BTRC: variants seen among roughly 807,000 people sequenced by gnomAD.
BTRC encodes beta-transducin repeat containing E3 ubiquitin protein ligase, also known as F-box/WD repeat-containing protein 1A.
Under a neutral mutation model 85.5 loss-of-function variants are expected in BTRC, and 42 were observed. That is an observed-to-expected ratio of 0.49 (90% CI 0.38 to 0.64). The LOEUF is 0.64. BTRC is among the 30% of genes least tolerant of loss of function. BTRC has a pLI of 0.00. For synonymous variants in BTRC, 255 were observed against 263.3 expected (o/e 0.97, Z 0.30); for missense variants, 594 against 743.5 (o/e 0.80, Z 2.34).
At chr10:101,367,210 A>G (rs552655947) in intron 1 of BTRC, among the ~76,000 whole-genome samples, 1 of 147,890 alleles carries the variant, frequency 6.8e-6, no homozygotes, top group South Asian at 2.1e-4. Flanking sequence ...GGCTGGGACT[A>G]CATGCGCGCA....
chr10:101,413,292 C>CGACACTGTGCCCAG (rs1554872855), intron 1 of BTRC, among the ~76,000 whole-genome samples: 1 of 151,312 alleles, frequency 6.6e-6, no homozygotes, highest in African/African-American at 2.4e-5. Context: ...TATAGGTGCC[C>CGACACTGTGCCCAG]ACCACCACGC....
intron 1 of BTRC, among the ~76,000 whole-genome samples, chr10:101,382,895 T>TA (rs759523330): frequency 1.4e-4 from 22 of 152,142 alleles, no homozygotes; most frequent in Non-Finnish European, 2.8e-4. Context: ...TTAGACCAAT[T>TA]AAAGTGTACT....
intron 1 of BTRC, among the ~76,000 whole-genome samples, chr10:101,375,236 G>T (rs1208219980): frequency 6.6e-6 from 1 of 152,120 alleles, no homozygotes; most frequent in Non-Finnish European, 1.5e-5. Context: ...CACAAGTTCT[G>T]GTTGTTTAAA....
intron 4 of BTRC, among the ~76,000 whole-genome samples, chr10:101,487,753 T>G (rs1323195074): frequency 6.6e-6 from 1 of 152,178 alleles, no homozygotes; most frequent in African/African-American, 2.4e-5. Context: ...AACAGTGTTC[T>G]GTGATCAACC....
chr10:101,408,507 A>T (rs1195809291), intron 1 of BTRC, among the ~76,000 whole-genome samples: 1 of 151,880 alleles, frequency 6.6e-6, no homozygotes, highest in Non-Finnish European at 1.5e-5. Flanking sequence ...GAGTTTTGCC[A>T]TGTTGCCCAG....
In BTRC at chr10:101,539,014, A is replaced by C. The variant is rs1405916816; in HGVS notation, c.1656+643A>C. 2.0e-5 allele frequency among the ~76,000 whole-genome samples: 3 copies of C among 150,854 alleles called. No homozygotes were observed. In the East Asian group the frequency reaches 5.9e-4, roughly 29 times the overall value. ...TGCAGTGAACCAAGATCATGCTTGC[A>C]CTCCAGCCTGGGCAACAAGAGCGAA... is the stretch of plus-strand genomic sequence containing the variant. On this transcript the variant is annotated intron_variant, in intron 13 of 14. Coordinates refer to ENST00000370187, the MANE Select transcript of BTRC (RefSeq NM_033637.4).
intron 4 of BTRC, among the ~76,000 whole-genome samples, chr10:101,520,234 C>G (rs550660138): frequency 6.6e-6 from 1 of 152,080 alleles, no homozygotes; most frequent in East Asian, 2.0e-4. Context: ...ACCTCTGCCT[C>G]CTGGGTTCAA....
intron 1 of BTRC, among the ~76,000 whole-genome samples, chr10:101,417,444 A>G (rs1329880440): frequency 6.6e-6 from 1 of 152,240 alleles, no homozygotes; most frequent in Non-Finnish European, 1.5e-5. Flanking sequence ...CGACAGGAAT[A>G]TCACAGAGGT....
chr10:101,453,912 C>G (rs10883657), intron 2 of BTRC, among the ~76,000 whole-genome samples: 44,977 of 152,142 alleles, frequency 0.3, 7,959 homozygotes, highest in Middle Eastern at 0.47. Context: ...GGCCACTTAC[C>G]TCTTCCGTTG....
intron 1 of BTRC, among the ~76,000 whole-genome samples, chr10:101,366,828 A>ATT (rs796108094): frequency 2.5e-5 from 1 of 40,474 alleles, no homozygotes; most frequent in Non-Finnish European, 3.9e-5. Flanking sequence ...ATTAATATAT[A>ATT]TTTATATATA....
chr10:101,550,676 C>A (rs79322713), intron 13 of BTRC, 23 bp from the exon 14 acceptor site: 1 of 1,604,188 alleles, frequency 6.2e-7, no homozygotes, highest in Non-Finnish European at 8.5e-7. Flanking sequence ...AAGTTCCTAC[C>A]CTTTTTGTTT....
chr10:101,508,371 T>G (rs1421070296), intron 4 of BTRC, among the ~76,000 whole-genome samples: 2 of 152,224 alleles, frequency 1.3e-5, no homozygotes, highest in Non-Finnish European at 2.9e-5. Flanking sequence ...AATCTGCCCC[T>G]TCCTGTCTTC....
At chr10:101,376,847 T>C (rs1436223199) in intron 1 of BTRC, among the ~76,000 whole-genome samples, 17 of 152,168 alleles carry the variant, frequency 1.1e-4, no homozygotes, top group Admixed American at 1.1e-3. Context: ...TCCCAAAGTT[T>C]ATTGAATAGG....
At chr10:101,428,419 C>T (rs1436753621) in intron 1 of BTRC, among the ~76,000 whole-genome samples, 1 of 152,134 alleles carries the variant, frequency 6.6e-6, no homozygotes. Context: ...TAAAATGGAT[C>T]GTAGCTTGAG....
intron 4 of BTRC, among the ~76,000 whole-genome samples, chr10:101,487,821 A>G (rs777273244): frequency 3.3e-5 from 5 of 152,190 alleles, no homozygotes; most frequent in Non-Finnish European, 4.4e-5. Flanking sequence ...ACAGCTGCAC[A>G]ATGCCAGGCT....
intron 2 of BTRC, among the ~76,000 whole-genome samples, chr10:101,459,005 G>A (rs1466706948): frequency 2.0e-5 from 3 of 152,158 alleles, no homozygotes; most frequent in African/African-American, 7.2e-5. Flanking sequence ...TTGCTGTGAT[G>A]CCCAGACTGC....
chr10:101,396,124 G>A (rs1040374083), intron 1 of BTRC, among the ~76,000 whole-genome samples: 16 of 151,246 alleles, frequency 1.1e-4, no homozygotes, highest in African/African-American at 2.2e-4. Context: ...CTGTTATAGC[G>A]AATACTGGTA....
chr10:101,542,888 GT>G (rs987566100), intron 13 of BTRC, among the ~76,000 whole-genome samples: 2 of 151,818 alleles, frequency 1.3e-5, no homozygotes, highest in African/African-American at 4.8e-5. Flanking sequence ...TGTTGTCGTT[GT>G]TTTTGAGACG....
At chr10:101,380,760 G>A (rs938505766) in intron 1 of BTRC, among the ~76,000 whole-genome samples, 3 of 152,142 alleles carry the variant, frequency 2.0e-5, no homozygotes, top group Non-Finnish European at 4.4e-5. Flanking sequence ...TTCAAGTCCT[G>A]TCTTAACTAC....
Sources: allele counts gnomAD v4.1 joint callset (sites outside exome capture counted in the v4.1 genomes callset), GRCh38; gene constraint gnomAD v4.1.1; transcripts MANE v1.5; gene names NCBI Gene and HGNC (gene_info 2026-07-23, HGNC 2026-07-21).